The following ARSB variants were observed in gnomAD, a reference collection of about 807,000 sequenced individuals.
ARSB encodes N-acetylgalactosamine-4-sulfatase.
A neutral mutation model predicts 50.9 loss-of-function variants in ARSB; 41 were observed. The observed-to-expected ratio is 0.81, with a 90% CI of 0.63 to 1.04. The LOEUF (loss-of-function observed/expected upper bound fraction) is 1.04. Among genes scored for constraint, ARSB ranks in the 50% least tolerant of loss-of-function variants. ARSB has a pLI of 0.00. For synonymous variants in ARSB, 269 were observed against 284.8 expected, an observed-to-expected ratio of 0.94 and a Z score of 0.56; for missense variants, 672 against 693.3, an observed-to-expected ratio of 0.97 and a Z score of 0.35.
chr5:78,891,960 G>A lies in ARSB; in HGVS notation c.899-6133C>T, dbSNP rs1425955009. ...GAGGAGCTAAGCACTGTGGGTTTGGGCAAGTACTCAATCTCTGAGCCTAAG... is the reference window on the plus strand; with the variant it reads ...GAGGAGCTAAGCACTGTGGGTTTGGACAAGTACTCAATCTCTGAGCCTAAG... On this transcript the variant is annotated intron_variant, in intron 4 of 7. Transcript: ENST00000264914. 4.6e-5 allele frequency among the ~76,000 whole-genome samples: 7 copies of A among 152,030 alleles called. No homozygotes were observed. In the South Asian group the frequency reaches 1.2e-3, roughly 27 times the overall value.
chr5:78,903,803 A>T (rs961303488), intron 4 of ARSB, among the ~76,000 whole-genome samples: 1 of 152,252 alleles, frequency 6.6e-6, no homozygotes, highest in African/African-American at 2.4e-5. Context: ...TCACATAGTC[A>T]TGAAGATATA....
intron 4 of ARSB, among the ~76,000 whole-genome samples, chr5:78,890,919 G>A (rs1025798538): frequency 6.6e-6 from 1 of 152,190 alleles, no homozygotes; most frequent in Non-Finnish European, 1.5e-5. Flanking sequence ...TAGTGCCCTA[G>A]ATGGTCTTCA....
chr5:78,781,323 C>CTTT (rs376851173), intron 7 of ARSB, among the ~76,000 whole-genome samples: 779 of 75,378 alleles, frequency 0.01, 19 homozygotes, highest in African/African-American at 0.024. Flanking sequence ...CTCTCTCTCT[C>CTTT]TTTTTTTTTT....
chr5:78,903,360 G>A (rs1748888373), intron 4 of ARSB, among the ~76,000 whole-genome samples: 1 of 152,170 alleles, frequency 6.6e-6, no homozygotes, highest in Admixed American at 6.5e-5. Context: ...GTATATTTCA[G>A]AACACAAGCA....
intron 4 of ARSB, among the ~76,000 whole-genome samples, chr5:78,923,411 A>G (rs1749914834): frequency 6.6e-6 from 1 of 152,232 alleles, no homozygotes; most frequent in South Asian, 2.1e-4. Flanking sequence ...GAAACTCACG[A>G]AAGCCTGCTC....
intron 6 of ARSB, among the ~76,000 whole-genome samples, chr5:78,825,530 T>C (rs1227418379): frequency 6.6e-6 from 1 of 152,224 alleles, no homozygotes; most frequent in Non-Finnish European, 1.5e-5. Flanking sequence ...ACATTAGTTG[T>C]TAACAATTAG....
intron 4 of ARSB, among the ~76,000 whole-genome samples, chr5:78,930,239 C>A (rs1341753872): frequency 1.3e-5 from 2 of 152,154 alleles, no homozygotes; most frequent in Admixed American, 1.3e-4. Context: ...ACCTCTATTT[C>A]TTTTATATTT....
At chr5:78,894,830 T>C (rs1748488772) in intron 4 of ARSB, among the ~76,000 whole-genome samples, 1 of 152,164 alleles carries the variant, frequency 6.6e-6, no homozygotes, top group African/African-American at 2.4e-5. Flanking sequence ...GCCCCACCTC[T>C]GACCAGGGCA....
rs1751304570 is a variant in ARSB at position 78,947,649 on chromosome 5, T to C, written c.898+7646A>G. Among the ~76,000 whole-genome samples the C allele has an allele frequency of 3.9e-5, 6 of 152,222 alleles. No homozygotes were observed. In the South Asian group the frequency reaches 1.2e-3, roughly 32 times the overall value. ...AGGTAATAATGAATGCTGGCGAGGA[T>C]GTGGAGAAAAGGGTACTTTTGTACA... On this transcript the variant is annotated intron_variant, in intron 4 of 7. Coordinates refer to ENST00000264914, the MANE Select transcript of ARSB (RefSeq NM_000046.5).
At chr5:78,797,099 C>T (rs1032789673) in intron 6 of ARSB, among the ~76,000 whole-genome samples, 1 of 152,098 alleles carries the variant, frequency 6.6e-6, no homozygotes, top group African/African-American at 2.4e-5. Flanking sequence ...GGGATGGTCT[C>T]GATCTCCTGA....
chr5:78,867,011 G>T (rs556188976), intron 5 of ARSB, among the ~76,000 whole-genome samples: 1 of 152,240 alleles, frequency 6.6e-6, no homozygotes, highest in African/African-American at 2.4e-5. Flanking sequence ...CCTGGGAAGC[G>T]CAAGGGGTCA....
chr5:78,853,790 C>T (rs959272072), intron 5 of ARSB, among the ~76,000 whole-genome samples: 1 of 152,256 alleles, frequency 6.6e-6, no homozygotes, highest in Non-Finnish European at 1.5e-5. Context: ...AGCCTCGCTG[C>T]CGCCTTGCAG....
At chr5:78,894,247 T>C (rs1236777412) in intron 4 of ARSB, among the ~76,000 whole-genome samples, 1 of 152,216 alleles carries the variant, frequency 6.6e-6, no homozygotes, top group Non-Finnish European at 1.5e-5. Context: ...GTGAGAAAGA[T>C]GGAAATTTAT....
chr5:78,890,843 C>A (rs1223306183), intron 4 of ARSB, among the ~76,000 whole-genome samples: 2 of 152,220 alleles, frequency 1.3e-5, no homozygotes, highest in African/African-American at 4.8e-5. Context: ...TTTGCCTTTG[C>A]ACATGTTGGC....
chr5:78,985,218 G>T lies in ARSB; in HGVS notation c.31C>A (p.Arg11=). The change falls in exon 1 of 8, where the codon CGA becomes AGA. Residue 11 remains arginine (R), a synonymous_variant. Transcript: ENST00000264914. MGPRGAASLP[R]GPGPRRLLLP... is the part of the protein sequence containing the mutation. ...AGCAGCCGCCGAGGTCCGGGGCCTCGGGGCAAGCTCGCCGCGCCGCGCGGA... is the reference window on the plus strand; with the variant it reads ...AGCAGCCGCCGAGGTCCGGGGCCTCTGGGCAAGCTCGCCGCGCCGCGCGGA... 7.5e-7 allele frequency: 1 copy of T among 1,341,248 alleles called. No homozygotes were observed. The highest frequency in any genetic ancestry group is 9.5e-7 in the Non-Finnish European group (1 of 1,052,232). The allele number at this position is 1,341,248 out of a possible 1,614,324, so 83.1% of individuals were successfully genotyped here.
At chr5:78,943,039 CTTCT>C (rs1257450724) in intron 4 of ARSB, among the ~76,000 whole-genome samples, 1 of 152,116 alleles carries the variant, frequency 6.6e-6, no homozygotes, top group Non-Finnish European at 1.5e-5. Flanking sequence ...ATGTAATGGC[CTTCT>C]TTGTCTCCTT....
At chr5:78,904,496 C>T (rs1748950332) in intron 4 of ARSB, among the ~76,000 whole-genome samples, 1 of 151,832 alleles carries the variant, frequency 6.6e-6, no homozygotes, top group African/African-American at 2.4e-5. Flanking sequence ...TATCTTGCAC[C>T]AAATTTGTGA....
At chr5:78,859,275 T>C (rs1263062390) in intron 5 of ARSB, among the ~76,000 whole-genome samples, 6 of 152,196 alleles carry the variant, frequency 3.9e-5, no homozygotes, top group Admixed American at 3.9e-4. Context: ...TAGAGTTATA[T>C]ATGGAAAGAT....
At chr5:78,795,985 T>C (rs1206586310) in intron 6 of ARSB, among the ~76,000 whole-genome samples, 1 of 152,244 alleles carries the variant, frequency 6.6e-6, no homozygotes, top group Non-Finnish European at 1.5e-5. Flanking sequence ...ATTCAGAGAA[T>C]GTGCTGGTGT....
Sources: gnomAD v4.1 joint callset for allele counts (sites outside exome capture counted in the v4.1 genomes callset) on GRCh38, gnomAD v4.1.1 for gene constraint, MANE v1.5 for transcripts, NCBI Gene and HGNC (gene_info 2026-07-23, HGNC 2026-07-21) for gene names.